Variants in AFF1 observed in about 807,000 individuals in gnomAD.
AFF1 encodes the protein ALF transcription elongation factor 1.
AFF1 carries 48 observed loss-of-function variants against 121.7 expected under a neutral mutation model. The ratio of observed to expected loss-of-function variants is 0.39; its 90% CI spans 0.31 to 0.50. The LOEUF (loss-of-function observed/expected upper bound fraction) is 0.50. Among genes scored for constraint, AFF1 ranks in the 20% least tolerant of loss-of-function variants. AFF1 has a pLI of 0.76. For synonymous variants in AFF1, 613 were observed against 563.0 expected (o/e 1.09, Z -1.26); for missense variants, 1,523 against 1,511.7 (o/e 1.01, Z -0.12).
intron 17 of AFF1, 86 bp from the exon 18 acceptor site, chr4:87,131,707 T>G (rs1728844030): frequency 8.5e-7 from 1 of 1,174,752 alleles, no homozygotes; most frequent in Non-Finnish European, 1.2e-6. Flanking sequence ...TCAGGAAAAG[T>G]CAATATAAAA....
intron 2 of AFF1, among the ~76,000 whole-genome samples, chr4:86,987,440 G>A (rs1315306392): frequency 6.6e-6 from 1 of 152,090 alleles, no homozygotes; most frequent in Non-Finnish European, 1.5e-5. Context: ...ACAGCTCTGG[G>A]CCTTGAGTCA....
At chr4:87,065,222 A>T (rs1006602245) in intron 4 of AFF1, among the ~76,000 whole-genome samples, 3 of 152,226 alleles carry the variant, frequency 2.0e-5, no homozygotes, top group African/African-American at 7.2e-5. Context: ...AAGGAGGAGC[A>T]GGTCACGTCT....
At chr4:87,039,530 GC>G (rs1729895390) in intron 2 of AFF1, among the ~76,000 whole-genome samples, 2 of 152,204 alleles carry the variant, frequency 1.3e-5, no homozygotes, top group Non-Finnish European at 2.9e-5. Flanking sequence ...CCCTTTCATG[GC>G]TTGAGTGTTT....
intron 12 of AFF1, among the ~76,000 whole-genome samples, chr4:87,124,162 G>C (rs1453129067): frequency 6.6e-6 from 1 of 152,204 alleles, no homozygotes; most frequent in East Asian, 1.9e-4. Context: ...TGTTGTTTTA[G>C]TGATTAAATG....
In AFF1 at chr4:87,047,276, T is replaced by C. The variant is rs765522474; in HGVS notation, c.741T>C (p.Tyr247=). The C allele has an allele frequency of 6.2e-7, 1 of 1,614,188 alleles. No individual in the cohort carries two copies. Among genetic ancestry groups the C allele is most frequent in the Non-Finnish European group, 8.5e-7 (1 of 1,180,034 alleles). ...GCAGCAGCAATAACAGTAAAGGCTA[T>C]TGCCCAGCCAAATCTCCCAAGGACC... ...VHGSSNNSKG[Y]CPAKSPKDLA... is the part of the protein sequence containing the mutation. Residue 247 remains tyrosine, a synonymous_variant, in exon 4 of 21, where the codon TAT becomes TAC. Coordinates refer to ENST00000395146, the MANE Select transcript of AFF1 (RefSeq NM_001166693.3).
chr4:87,075,946 T>C (rs1417518964), intron 4 of AFF1, among the ~76,000 whole-genome samples: 1 of 152,196 alleles, frequency 6.6e-6, no homozygotes, highest in African/African-American at 2.4e-5. Flanking sequence ...TTTATAAATA[T>C]TAAATGAGTC....
rs559780721 is a variant in AFF1, at chr4:87,122,106, CT to C, written c.2467-2928del. ...AATACCTTTCATTTAAAAAAGTATA[CT>C]TTAGTACCTAATGTTCAATTTAGTA... On this transcript the variant is annotated intron_variant, in intron 12 of 20. Transcript: ENST00000395146. Among the ~76,000 whole-genome samples the C allele has an allele frequency of 4.4e-3, 673 of 152,304 alleles. 9 individuals carry two copies. The highest frequency in any genetic ancestry group is 4.3e-3 in the Non-Finnish European group (292 of 68,028).
intron 4 of AFF1, among the ~76,000 whole-genome samples, chr4:87,059,353 C>T (rs911035790): frequency 1.3e-5 from 2 of 152,202 alleles, no homozygotes; most frequent in African/African-American, 4.8e-5. Context: ...TCCTGGTCAT[C>T]AGTTCTCAAT....
intron 4 of AFF1, among the ~76,000 whole-genome samples, chr4:87,070,043 C>A (rs776241742): frequency 2.4e-4 from 37 of 151,870 alleles, no homozygotes; most frequent in Non-Finnish European, 3.8e-4. Context: ...CTCGCTTAGT[C>A]ACCAGGCTGG....
chr4:87,018,745 A>G (rs1727598178), intron 2 of AFF1, among the ~76,000 whole-genome samples: 1 of 152,262 alleles, frequency 6.6e-6, no homozygotes, highest in African/African-American at 2.4e-5. Flanking sequence ...AATAAAGGCA[A>G]AGTGAGTACC....
At position 86,953,691 on chromosome 4, in the gene AFF1, A is replaced by G. The variant is rs375105174; in HGVS notation, c.38+5120A>G. On this transcript the variant is annotated intron_variant, in intron 2 of 20. Transcript: ENST00000395146. The stretch of plus-strand genomic sequence containing the variant: ...TAACAGACTGAAAAAGGCAGACATT[A>G]TTAGTACAGTTTAGTGCATTTTCTT... Among the ~76,000 whole-genome samples the G allele has an allele frequency of 2.6e-5, 4 of 152,074 alleles. No individual in the cohort carries two copies. The East Asian group carries it at 7.7e-4, about 29-fold the overall frequency.
In AFF1 at chr4:87,038,562, A is replaced by C. The variant is rs114891792; in HGVS notation, c.39-7604A>C. On this transcript the variant is annotated intron_variant, in intron 2 of 20. Transcript: ENST00000395146. The stretch of plus-strand genomic sequence containing the variant: ...TTGAGATGTGGCTTTTAAAATGAAA[A>C]AGTCACTTACATGGTGTGGAAGAAC... Among the ~76,000 whole-genome samples, 425 of 152,290 alleles carry C rather than the reference A, an allele frequency of 2.8e-3. 2 individuals carry two copies. The highest frequency in any genetic ancestry group is 4.2e-3 in the Non-Finnish European group (285 of 68,016).
intron 2 of AFF1, chr4:86,950,250 C>T (rs994211992): frequency 2.9e-5 from 24 of 816,358 alleles, no homozygotes; most frequent in Non-Finnish European, 4.8e-5. Flanking sequence ...ATGATCTTGG[C>T]TCACTGCAAC....
chr4:87,022,540 A>G (rs1728010437), intron 2 of AFF1, among the ~76,000 whole-genome samples: 1 of 107,568 alleles, frequency 9.3e-6, no homozygotes, highest in Admixed American at 1.1e-4. Context: ...TCCCGTGCTT[A>G]CAGATATATA....
chr4:87,007,308 C>T (rs1385175960), intron 2 of AFF1: 5 of 1,586,826 alleles, frequency 3.2e-6, no homozygotes, highest in African/African-American at 2.7e-5. Context: ...GGGACGCGTC[C>T]CCGCCCGGCT....
rs3035474 is a variant in AFF1 at position 86,962,145 on chromosome 4, CTTT to C, written c.38+13592_38+13594del. On this transcript the variant is annotated intron_variant, in intron 2 of 20. Coordinates refer to ENST00000395146, the MANE Select transcript of AFF1 (RefSeq NM_001166693.3). ...AGGATATTTGGAAAAGTTATTGTTTCTTTTTTTTTTTTTTTTTTTTCCTGTCTC... is the reference window on the plus strand; with the variant it reads ...AGGATATTTGGAAAAGTTATTGTTTCTTTTTTTTTTTTTTTTTCCTGTCTC... Among the ~76,000 whole-genome samples the C allele has an allele frequency of 8.2e-3, 1,009 of 122,578 alleles. 29 individuals carry two copies. Among genetic ancestry groups the C allele is most frequent in the Admixed American group, 0.065 (762 of 11,734 alleles). 80.4% of individuals were successfully genotyped at this position (122,578 alleles called of 152,430 possible). A position where few individuals can be genotyped will look rare whatever the true frequency, so the allele number is the denominator to read the frequency against.
chr4:87,027,226 T>C (rs992264894), intron 2 of AFF1, among the ~76,000 whole-genome samples: 3 of 152,222 alleles, frequency 2.0e-5, no homozygotes, highest in East Asian at 3.8e-4. Flanking sequence ...TGCATGTGTC[T>C]CTACTAGATT....
chr4:87,131,931 T>A (rs530121852), intron 18 of AFF1, 67 bp downstream of exon 18: 1 of 1,350,318 alleles, frequency 7.4e-7, no homozygotes, highest in East Asian at 2.6e-5. Flanking sequence ...TACAAAAAGA[T>A]TCTGAAATTT....
At chr4:86,987,858 T>G (rs1310571665) in intron 2 of AFF1, among the ~76,000 whole-genome samples, 1 of 150,674 alleles carries the variant, frequency 6.6e-6, no homozygotes, top group Non-Finnish European at 1.5e-5. Flanking sequence ...GAGGCTGAGG[T>G]AGGAGGATCG....
Sources: gnomAD v4.1 joint callset for allele counts (sites outside exome capture counted in the v4.1 genomes callset) on GRCh38, gnomAD v4.1.1 for gene constraint, MANE v1.5 for transcripts, NCBI Gene and HGNC (gene_info 2026-07-23, HGNC 2026-07-21) for gene names.